The following SMARCA2 variants were observed in gnomAD, a reference collection of about 807,000 sequenced individuals.
SMARCA2 encodes the protein SWI/SNF-related matrix-associated actin-dependent regulator of chromatin subfamily A member 2.
SMARCA2 carries 61 observed loss-of-function variants against 199.8 expected under a neutral mutation model. That is an observed-to-expected ratio of 0.31 (90% CI 0.25 to 0.38). The LOEUF (loss-of-function observed/expected upper bound fraction) is 0.38, where lower values mean the gene tolerates loss of function less well. Ranked by LOEUF, SMARCA2 falls within the 10% of genes least tolerant of loss-of-function variation. SMARCA2 has a pLI of 1.00. For missense variants in SMARCA2, 1,344 were observed against 2,012.2 expected (o/e 0.67, Z 6.35); for synonymous variants, 935 against 732.0 (o/e 1.28, Z -4.48).
chr9:2,066,211 C>T (rs1479301595), intron 9 of SMARCA2, among the ~76,000 whole-genome samples: 2 of 152,176 alleles, frequency 1.3e-5, no homozygotes, highest in Non-Finnish European at 2.9e-5. Context: ...GGATAAAGTA[C>T]ATTCAGTTTA....
chr9:2,031,290 A>T (rs1280899064), intron 2 of SMARCA2, among the ~76,000 whole-genome samples: 1 of 152,076 alleles, frequency 6.6e-6, no homozygotes. Context: ...TCCATGTCAT[A>T]TTTTTCAGGG....
chr9:2,149,300 C>G (rs1824931625), intron 27 of SMARCA2, among the ~76,000 whole-genome samples: 1 of 150,022 alleles, frequency 6.7e-6, no homozygotes, highest in African/African-American at 2.4e-5. Context: ...GGTGGATCAC[C>G]TGAGGTCAGG....
At chr9:2,051,622 C>G (rs957824331) in intron 5 of SMARCA2, among the ~76,000 whole-genome samples, 1 of 152,188 alleles carries the variant, frequency 6.6e-6, no homozygotes, top group East Asian at 1.9e-4. Context: ...TGGCATCTGA[C>G]CCACTTTGTC....
intron 16 of SMARCA2, among the ~76,000 whole-genome samples, chr9:2,083,849 A>G (rs1392572684): frequency 1.3e-5 from 2 of 152,112 alleles, no homozygotes; most frequent in African/African-American, 4.8e-5. Context: ...TGTCATTTCC[A>G]TTTCCCTTTG....
At chr9:2,141,828 C>G (rs79805692) in intron 27 of SMARCA2, among the ~76,000 whole-genome samples, 5,212 of 152,218 alleles carry the variant, frequency 0.034, 289 homozygotes, top group African/African-American at 0.12. Context: ...GGTTTACAGC[C>G]CCTTTGCCCA....
At chr9:2,143,018 G>A (rs1824541441) in intron 27 of SMARCA2, among the ~76,000 whole-genome samples, 1 of 151,898 alleles carries the variant, frequency 6.6e-6, no homozygotes, top group Non-Finnish European at 1.5e-5. Flanking sequence ...TAGGAGATTC[G>A]GACATATTTT....
At chr9:2,046,140 C>G (rs929550793) in intron 4 of SMARCA2, 1 of 152,030 alleles carries the variant, frequency 6.6e-6, no homozygotes, top group Non-Finnish European at 1.5e-5. Flanking sequence ...GAAAAATGCT[C>G]TGGACTTTAA....
intron 11 of SMARCA2, 32 bp from the exon 12 acceptor site, chr9:2,073,534 G>C: frequency 6.3e-7 from 1 of 1,581,322 alleles, no homozygotes; most frequent in Non-Finnish European, 8.7e-7. Flanking sequence ...AAAAAACTAA[G>C]CCCCCTCCTC....
intron 7 of SMARCA2, among the ~76,000 whole-genome samples, chr9:2,057,254 C>G (rs1820395158): frequency 6.6e-6 from 1 of 152,172 alleles, no homozygotes; most frequent in Non-Finnish European, 1.5e-5. Context: ...AAACTGTTAA[C>G]TTCTCCTTGT....
intron 19 of SMARCA2, among the ~76,000 whole-genome samples, chr9:2,090,686 C>T (rs938858789): frequency 1.5e-4 from 23 of 152,250 alleles, no homozygotes; most frequent in African/African-American, 4.6e-4. Flanking sequence ...ATGGGAGTTC[C>T]ATTTTCCTAT....
At chr9:2,082,621 A>G (rs1052392980) in intron 15 of SMARCA2, among the ~76,000 whole-genome samples, 2 of 152,220 alleles carry the variant, frequency 1.3e-5, no homozygotes, top group African/African-American at 4.8e-5. Flanking sequence ...GTGATTCACA[A>G]GCACCCTCCT....
At chr9:2,103,843 CA>C (rs1487158711) in intron 22 of SMARCA2, among the ~76,000 whole-genome samples, 159 bp from the exon 23 acceptor site, 2 of 152,030 alleles carry the variant, frequency 1.3e-5, no homozygotes, top group Non-Finnish European at 2.9e-5. Flanking sequence ...TAAATATTCT[CA>C]TTGCTTTGGA....
intron 27 of SMARCA2, among the ~76,000 whole-genome samples, chr9:2,139,206 G>A (rs956274904): frequency 7.9e-5 from 12 of 152,302 alleles, no homozygotes; most frequent in African/African-American, 1.7e-4. Context: ...GTGGCATTGC[G>A]GTAAAGAAAG....
At chr9:2,122,689 T>G (rs1396603626) in intron 26 of SMARCA2, among the ~76,000 whole-genome samples, 1 of 152,252 alleles carries the variant, frequency 6.6e-6, no homozygotes, top group Non-Finnish European at 1.5e-5. Context: ...ATTTACATTT[T>G]ATCAGTTTTA....
intron 29 of SMARCA2, among the ~76,000 whole-genome samples, chr9:2,179,708 G>A (rs1168764878): frequency 3.9e-5 from 6 of 152,136 alleles, no homozygotes; most frequent in African/African-American, 1.4e-4. Flanking sequence ...CATCACAGGT[G>A]TACAGAGATG....
intron 29 of SMARCA2, among the ~76,000 whole-genome samples, chr9:2,179,211 A>AGAAGT (rs1826839261): frequency 6.6e-6 from 1 of 152,150 alleles, no homozygotes; most frequent in African/African-American, 2.4e-5. Context: ...TGACTAGAAG[A>AGAAGT]GAAGTGTGTT....
chr9:2,077,835 G>C lies in SMARCA2; in HGVS notation c.2184+59G>C, dbSNP rs1346050165. On this transcript the variant is annotated intron_variant, in intron 14 of 33. Transcript: ENST00000349721. ...TGTAACCATTTACCTAATTTTGATTGAAGTATGTCGTGCACATGTTGACTA... is the reference window on the plus strand; with the variant it reads ...TGTAACCATTTACCTAATTTTGATTCAAGTATGTCGTGCACATGTTGACTA... 5 of 1,488,848 alleles carry C rather than the reference G, an allele frequency of 3.4e-6. No individual in the cohort carries two copies. In the East Asian group the frequency reaches 1.2e-4, roughly 36 times the overall value. The allele number at this position is 1,488,848 out of a possible 1,614,324, so 92.2% of individuals were successfully genotyped here. A position where few individuals can be genotyped will look rare whatever the true frequency, so the allele number is the denominator to read the frequency against.
chr9:2,032,175 G>A (rs1034203545), intron 2 of SMARCA2, among the ~76,000 whole-genome samples: 1 of 152,154 alleles, frequency 6.6e-6, no homozygotes, highest in East Asian at 1.9e-4. Flanking sequence ...TTTCTTTCAG[G>A]CTGTTTTGAA....
chr9:2,028,931 CT>C (rs1818946212), intron 1 of SMARCA2, 55 bp from the exon 2 acceptor site: 2 of 1,368,220 alleles, frequency 1.5e-6, no homozygotes, highest in Non-Finnish European at 2.0e-6. Flanking sequence ...TTGTTTTATT[CT>C]GGTCTTAACA....
Sources: allele counts gnomAD v4.1 joint callset (sites outside exome capture counted in the v4.1 genomes callset), GRCh38; gene constraint gnomAD v4.1.1; transcripts MANE v1.5; gene names NCBI Gene and HGNC (gene_info 2026-07-23, HGNC 2026-07-21).